MFRP: variants seen among roughly 807,000 people sequenced by gnomAD.
MFRP encodes membrane frizzled-related protein, also known as C1q and TNF related 5.
MFRP carries 74 observed loss-of-function variants against 65.8 expected under a neutral mutation model. That is an observed-to-expected ratio of 1.12 (90% confidence interval 0.93 to 1.36). The LOEUF (loss-of-function observed/expected upper bound fraction) is 1.36, where lower values mean the gene tolerates loss of function less well. MFRP is among the 40% of genes most tolerant of loss of function. The pLI, the probability that MFRP is intolerant of heterozygous loss-of-function variation, is 0.00. For synonymous variants in MFRP, 336 were observed against 288.3 expected (o/e 1.17, Z -1.68); for missense variants, 838 against 736.0 (o/e 1.14, Z -1.60).
chr11:119,339,241 C>T lies in MFRP; in HGVS notation c.*1718G>A, dbSNP rs1464431682. On this transcript the variant is annotated 3_prime_UTR_variant, in exon 15 of 15. Transcript: ENST00000619721. This position sits in a 1 kb window ranked among gnomAD's most constrained non-coding sequence, Gnocchi z 5.4. Reference sequence around the variant, plus strand: ...CACCTCCCTAGTCATTCACAATATTCCAGGGGGGCCAGCCCTCCTGGATGA... The same window carrying T: ...CACCTCCCTAGTCATTCACAATATTTCAGGGGGGCCAGCCCTCCTGGATGA... 1.4e-6 allele frequency: 2 copies of T among 1,449,736 alleles called. No homozygotes were observed. Among genetic ancestry groups the T allele is most frequent in the Non-Finnish European group, 1.9e-6 (2 of 1,063,544 alleles). The allele number at this position is 1,449,736 out of a possible 1,614,324, so 89.8% of individuals were successfully genotyped here.
Position 119,340,700 on chromosome 11 carries a change from C to G in MFRP, c.*848G>C, listed in dbSNP as rs565257458. The stretch of plus-strand genomic sequence containing the variant: ...CCCTCCTCCGCCAGACTCACCCCCC[C>G]TCCCGGCTCCCCGATGGCCTCCTTC... On this transcript the variant is annotated 3_prime_UTR_variant, in exon 13 of 15. Coordinates refer to ENST00000619721, the MANE Select transcript of MFRP (RefSeq NM_031433.4). The G allele has an allele frequency of 4.2e-5, 18 of 429,584 alleles. No homozygotes were observed. The East Asian group carries it at 5.7e-4, about 14-fold the overall frequency. 26.6% of individuals were successfully genotyped at this position (429,584 alleles called of 1,614,324 possible).
chr11:119,339,439 C>T lies in MFRP; in HGVS notation c.*1520G>A. ...TGCCAATGTAGTCACCCACACCCAC[C>T]TGCACCCACACTTGGTCCTCAGGCT... On this transcript the variant is annotated 3_prime_UTR_variant, in exon 15 of 15. Coordinates refer to ENST00000619721, the MANE Select transcript of MFRP (RefSeq NM_031433.4). This position sits in a 1 kb window ranked among gnomAD's most constrained non-coding sequence, Gnocchi z 5.4. 6.2e-7 allele frequency: 1 copy of T among 1,614,098 alleles called. No individual in the cohort carries two copies. Among genetic ancestry groups the T allele is most frequent in the South Asian group, 1.1e-5 (1 of 91,076 alleles).
chr11:119,343,884 G>T lies in MFRP; in HGVS notation c.1056C>A (p.Asp352Glu). ...CCTCCACGTAGTCAAACTTGCACTC[G>T]TCCTGAGCCTCCAGGCTGAAGTTGT... ...QFHNFSLEAQ[D>E]ECKFDYVEVY... Residue 352 changes from aspartate (D) to glutamate (E), a missense_variant, in exon 9 of 15, where the codon GAC (aspartate) becomes GAA (glutamate). Transcript: ENST00000619721. 6.2e-7 allele frequency: 1 copy of T among 1,613,860 alleles called. No homozygotes were observed. The highest frequency in any genetic ancestry group is 8.5e-7 in the Non-Finnish European group (1 of 1,179,998).
At chr11:119,342,563 C>A (rs1483346549) in intron 11 of MFRP, 33 bp downstream of exon 11, 1 of 1,611,350 alleles carries the variant, frequency 6.2e-7, no homozygotes, top group Non-Finnish European at 8.5e-7. Context: ...GGGCACCCAG[C>A]CTGCTCAGGG....
At position 119,342,684 on chromosome 11, in the gene MFRP, A is replaced by G; in HGVS notation, c.1299T>C (p.Cys433=). The G allele has an allele frequency of 6.2e-7, 1 of 1,613,636 alleles. No homozygotes were observed. Among genetic ancestry groups the G allele is most frequent in the Non-Finnish European group, 8.5e-7 (1 of 1,179,928 alleles). ...PSELSCQAGG[C]KGVQWMCDMW... is the part of the protein sequence containing the mutation. ...TGTCACACATCCACTGCACACCCTTACACCCTCCTGCCTGGCAGGAGAGCT... is the reference window on the plus strand; with the variant it reads ...TGTCACACATCCACTGCACACCCTTGCACCCTCCTGCCTGGCAGGAGAGCT... The change falls in exon 11 of 15, where the codon TGT becomes TGC. Residue 433 remains cysteine, a synonymous_variant. Transcript: ENST00000619721.
chr11:119,340,998 C>T lies in MFRP; in HGVS notation c.*550G>A. 5.6e-6 allele frequency: 1 copy of T among 178,456 alleles called. No homozygotes were observed. Among genetic ancestry groups the T allele is most frequent in the Non-Finnish European group, 1.2e-5 (1 of 84,812 alleles). The allele number at this position is 178,456 out of a possible 1,614,324, so 11.1% of individuals were successfully genotyped here. On this transcript the variant is annotated 3_prime_UTR_variant, in exon 13 of 15. Coordinates refer to ENST00000619721, the MANE Select transcript of MFRP (RefSeq NM_031433.4). The stretch of plus-strand genomic sequence containing the variant: ...GGGGGAGAGAGACTTGAGCTGGGCA[C>T]AGAGAGGCAGAACTTCGAGAGACGG...
At chr11:119,343,704 AG>A in intron 9 of MFRP, 111 bp downstream of exon 9, 1 of 1,355,588 alleles carries the variant, frequency 7.4e-7, no homozygotes, top group Admixed American at 1.7e-5. Context: ...CCCGGCCTGG[AG>A]TAGCAGAAGA....
intron 5 of MFRP, among the ~76,000 whole-genome samples, 175 bp downstream of exon 5, chr11:119,345,245 G>A (rs1410897811): frequency 5.3e-5 from 8 of 152,226 alleles, no homozygotes; most frequent in Admixed American, 2.6e-4. Context: ...AAACAGGTGA[G>A]AGAGGGGAAG....
At chr11:119,345,726 C>T in intron 4 of MFRP, 47 bp downstream of exon 4, 1 of 1,613,196 alleles carries the variant, frequency 6.2e-7, no homozygotes, top group South Asian at 1.1e-5. Flanking sequence ...CAACCCCACC[C>T]CGTCATCTTG....
rs573413003 is a variant in MFRP, at chr11:119,339,730, G to C, written c.*1229C>G. The C allele has an allele frequency of 1.2e-5, 19 of 1,599,660 alleles. No homozygotes were observed. The South Asian group carries it at 1.9e-4, about 16-fold the overall frequency. ...CAGACGGCGGAGGCACCCGGCTCTC[G>C]GAGCGCTTGGCGCTGAAGGCGGATC... On this transcript the variant is annotated 3_prime_UTR_variant, in exon 15 of 15. Coordinates refer to ENST00000619721, the MANE Select transcript of MFRP (RefSeq NM_031433.4). This position sits in a 1 kb window ranked among gnomAD's most constrained non-coding sequence, Gnocchi z 5.4.
intron 10 of MFRP, 27 bp downstream of exon 10, chr11:119,342,846 C>T: frequency 6.2e-7 from 1 of 1,613,080 alleles, no homozygotes; most frequent in Admixed American, 1.7e-5. Context: ...CTCTACTGCC[C>T]CCACCCACTT....
chr11:119,339,510 A>AC lies in MFRP; in HGVS notation c.*1448dup, dbSNP rs776247392. On this transcript the variant is annotated 3_prime_UTR_variant, in exon 15 of 15. Transcript: ENST00000619721. The surrounding 1 kb of genome is among the most constrained non-coding windows in gnomAD (Gnocchi z 5.4). ...CCCGAGAGCGAGGCTGGCTTGGGCC[A>AC]CCCCCCGAAAAACTGGAAGAAAGAG... 2 of 1,612,830 alleles carry AC rather than the reference A, an allele frequency of 1.2e-6. No homozygotes were observed. The highest frequency in any genetic ancestry group is 1.7e-4 in the Middle Eastern group (1 of 6,058).
At position 119,340,368 on chromosome 11, in the gene MFRP, C is replaced by G; in HGVS notation, c.*926G>C. On this transcript the variant is annotated 3_prime_UTR_variant, in exon 14 of 15. Transcript: ENST00000619721. ...GTGGGGGCGAGCCGGCCGCCAGGCC[C>G]AGGAGCAGCAGGACGAGGAGTGGCC... 3 of 1,544,784 alleles carry G rather than the reference C, an allele frequency of 1.9e-6. No individual in the cohort carries two copies. Among genetic ancestry groups the G allele is most frequent in the Non-Finnish European group, 2.6e-6 (3 of 1,145,832 alleles).
At position 119,339,927 on chromosome 11, in the gene MFRP, A is replaced by T. The variant is rs1012860160; in HGVS notation, c.*1111-79T>A. 1.3e-4 allele frequency: 186 copies of T among 1,404,928 alleles called. No homozygotes were observed. The Middle Eastern group carries it at 1.8e-3, about 14-fold the overall frequency. The allele number at this position is 1,404,928 out of a possible 1,614,324, so 87.0% of individuals were successfully genotyped here. ...GGGGCGGCGACTCTAAGGTCACCGTACCCCTCCCCGCCCCTGCCTGAGCTT... is the reference window on the plus strand; with the variant it reads ...GGGGCGGCGACTCTAAGGTCACCGTTCCCCTCCCCGCCCCTGCCTGAGCTT... On this transcript the variant is annotated intron_variant, in intron 14 of 14. Transcript: ENST00000619721. This position sits in a 1 kb window ranked among gnomAD's most constrained non-coding sequence, Gnocchi z 5.4.
intron 11 of MFRP, among the ~76,000 whole-genome samples, chr11:119,342,335 G>T (rs2095700985): frequency 6.6e-6 from 1 of 152,206 alleles, no homozygotes; most frequent in Admixed American, 6.5e-5. Flanking sequence ...AAGGGGCTCT[G>T]GGTGACAGAA....
chr11:119,340,011 G>C (rs940858657), intron 14 of MFRP, among the ~76,000 whole-genome samples, 163 bp from the exon 15 acceptor site: 1 of 152,148 alleles, frequency 6.6e-6, no homozygotes, highest in African/African-American at 2.4e-5. Flanking sequence ...GGGCAGATCT[G>C]GGGGGCTGGC....
In MFRP at chr11:119,341,136, T is replaced by G; in HGVS notation, c.*412A>C. The G allele has an allele frequency of 4.4e-6, 1 of 228,788 alleles. No homozygotes were observed. Among genetic ancestry groups the G allele is most frequent in the Non-Finnish European group, 8.7e-6 (1 of 114,398 alleles). The allele number at this position is 228,788 out of a possible 1,614,324, so 14.2% of individuals were successfully genotyped here. On this transcript the variant is annotated 3_prime_UTR_variant, in exon 13 of 15. Coordinates refer to ENST00000619721, the MANE Select transcript of MFRP (RefSeq NM_031433.4). The stretch of plus-strand genomic sequence containing the variant: ...TACGCAGAGAGATGAGGGTGGAGAG[T>G]TCTAGAGGCAGACAGCCAGTTGGAT...
In MFRP at chr11:119,346,162, G is replaced by A; in HGVS notation, c.158-3C>T. 6.3e-7 allele frequency: 1 copy of A among 1,586,100 alleles called. No homozygotes were observed. On this transcript the variant is annotated splice_polypyrimidine_tract_variant and splice_region_variant and intron_variant, in intron 2 of 14. Coordinates refer to ENST00000619721, the MANE Select transcript of MFRP (RefSeq NM_031433.4). ...CCGTAGCCCTCGAGGACGCCGACCT[G>A]CGGGTTGGCAGGTGGGGTTTTGAAA... is the stretch of plus-strand genomic sequence containing the variant.
intron 8 of MFRP, 122 bp downstream of exon 8, chr11:119,344,193 G>T: frequency 2.8e-6 from 3 of 1,068,412 alleles, no homozygotes; most frequent in Non-Finnish European, 4.3e-6. Flanking sequence ...TCCCCCGTCT[G>T]CTTGATCTCT....
Sources: allele counts gnomAD v4.1 joint callset (sites outside exome capture counted in the v4.1 genomes callset), GRCh38; gene constraint gnomAD v4.1.1; non-coding constraint Gnocchi (gnomAD v3.1); transcripts MANE v1.5; gene names NCBI Gene and HGNC (gene_info 2026-07-23, HGNC 2026-07-21).